Variants in CRYBG3 observed in about 807,000 individuals in gnomAD.
CRYBG3 encodes the protein very large A-kinase anchor protein.
In CRYBG3, 127 loss-of-function variants were observed where a neutral mutation model predicts 244.2. The observed-to-expected ratio is 0.52, with a 90% CI of 0.45 to 0.60. CRYBG3 has a LOEUF of 0.60. Ranked by LOEUF, CRYBG3 falls within the 20% of genes least tolerant of loss-of-function variation. CRYBG3 has a pLI of 0.00. For synonymous variants in CRYBG3, 1,132 were observed against 1,195.8 expected (o/e 0.95, Z 1.10); for missense variants, 3,325 against 3,442.5 (o/e 0.97, Z 0.85).
intron 1 of CRYBG3, among the ~76,000 whole-genome samples, chr3:97,832,152 A>G (rs751071847): frequency 1.3e-5 from 2 of 151,762 alleles, no homozygotes; most frequent in South Asian, 2.1e-4. Context: ...TATAGATTCA[A>G]TGCTATTGCC....
chr3:97,871,442 T>C (rs767475394), intron 3 of CRYBG3, among the ~76,000 whole-genome samples: 2 of 152,160 alleles, frequency 1.3e-5, no homozygotes, highest in Non-Finnish European at 2.9e-5. Context: ...TTTAATGTGG[T>C]GGAGAAGTCA....
intron 17 of CRYBG3, among the ~76,000 whole-genome samples, chr3:97,925,600 C>A (rs2040031429): frequency 6.6e-6 from 1 of 152,002 alleles, no homozygotes; most frequent in African/African-American, 2.4e-5. Flanking sequence ...CAATAGAATA[C>A]ATTTTCTGTA....
At chr3:97,862,819 T>C (rs2039170470) in intron 2 of CRYBG3, among the ~76,000 whole-genome samples, 2 of 152,278 alleles carry the variant, frequency 1.3e-5, no homozygotes, top group African/African-American at 2.4e-5. Context: ...TCACAAGATG[T>C]ATTAAATCCT....
At position 97,888,467 on chromosome 3, in the gene CRYBG3, TA is replaced by T; in HGVS notation, c.7404+17del. Reference sequence around the variant, plus strand: ...ATCCGCTTCAAATGGTAAGCAAATTTAAAAAGAAGCATTCCTTTTCCCAAGT... The same window carrying T: ...ATCCGCTTCAAATGGTAAGCAAATTTAAAAGAAGCATTCCTTTTCCCAAGT... On this transcript the variant is annotated intron_variant, in intron 9 of 21. Coordinates refer to ENST00000389622, the MANE Select transcript of CRYBG3 (RefSeq NM_153605.4). 1 of 1,517,634 alleles carries T rather than the reference TA, an allele frequency of 6.6e-7. No homozygotes were observed. The highest frequency in any genetic ancestry group is 9.1e-7 in the Non-Finnish European group (1 of 1,093,190). The allele number at this position is 1,517,634 out of a possible 1,614,324, so 94.0% of individuals were successfully genotyped here.
At chr3:97,822,422 G>T in intron 1 of CRYBG3, 67 bp downstream of exon 1, 1 of 1,355,848 alleles carries the variant, frequency 7.4e-7, no homozygotes, top group South Asian at 1.6e-5. Context: ...CTCCCGGCCT[G>T]ACCGCCGGCA....
At chr3:97,930,128 C>T (rs1414376714) in intron 17 of CRYBG3, among the ~76,000 whole-genome samples, 2 of 152,038 alleles carry the variant, frequency 1.3e-5, no homozygotes, top group African/African-American at 2.4e-5. Flanking sequence ...GGATATAAAA[C>T]AGTTAACATC....
intron 14 of CRYBG3, among the ~76,000 whole-genome samples, chr3:97,899,788 C>T (rs1472954360): frequency 6.6e-6 from 1 of 152,120 alleles, no homozygotes; most frequent in Non-Finnish European, 1.5e-5. Context: ...AAGGAATAAT[C>T]TCCTTGTATG....
At chr3:97,870,921 C>T (rs2039294863) in intron 3 of CRYBG3, among the ~76,000 whole-genome samples, 1 of 152,148 alleles carries the variant, frequency 6.6e-6, no homozygotes, top group Admixed American at 6.5e-5. Flanking sequence ...GTGCTCTGTG[C>T]ACCCAGAGAT....
chr3:97,886,897 G>T (rs1391608440), intron 8 of CRYBG3, 130 bp downstream of exon 8: 3 of 713,910 alleles, frequency 4.2e-6, no homozygotes, highest in Non-Finnish European at 6.7e-6. Flanking sequence ...GACTGCAGGG[G>T]TTAAAAGATT....
chr3:97,907,997 G>A (rs1398740284), intron 15 of CRYBG3, among the ~76,000 whole-genome samples: 2 of 152,088 alleles, frequency 1.3e-5, no homozygotes, highest in Non-Finnish European at 2.9e-5. Flanking sequence ...CCTTCATTTT[G>A]TTATGTACCC....
chr3:97,836,090 G>A (rs2038729272), intron 1 of CRYBG3, among the ~76,000 whole-genome samples: 1 of 151,988 alleles, frequency 6.6e-6, no homozygotes, highest in Admixed American at 6.6e-5. Flanking sequence ...CGTGAGTTGG[G>A]GAACAGGAAA....
intron 19 of CRYBG3, among the ~76,000 whole-genome samples, chr3:97,937,634 T>TAA (rs2107105131): frequency 6.6e-6 from 1 of 152,184 alleles, no homozygotes; most frequent in South Asian, 2.1e-4. Flanking sequence ...CTGTATGCAG[T>TAA]TTATAACCCT....
At chr3:97,891,125 TATTTTTAAAGTC>T (rs2039570849) in intron 10 of CRYBG3, among the ~76,000 whole-genome samples, 2 of 152,194 alleles carry the variant, frequency 1.3e-5, no homozygotes, top group South Asian at 4.1e-4. Flanking sequence ...AAACAGTATG[TATTTTTAAAGTC>T]AATAGATAAT....
At chr3:97,920,414 G>A (rs1444489664) in intron 17 of CRYBG3, among the ~76,000 whole-genome samples, 1 of 152,090 alleles carries the variant, frequency 6.6e-6, no homozygotes, top group Non-Finnish European at 1.5e-5. Context: ...TATTCCCTGA[G>A]CTTCATTCCC....
intron 19 of CRYBG3, among the ~76,000 whole-genome samples, chr3:97,937,645 A>G (rs1350344029): frequency 3.3e-5 from 5 of 152,026 alleles, no homozygotes; most frequent in Non-Finnish European, 1.5e-5. Flanking sequence ...TTATAACCCT[A>G]GCGTTATGGT....
chr3:97,841,300 G>GTA (rs542638446), intron 1 of CRYBG3, among the ~76,000 whole-genome samples: 6 of 147,570 alleles, frequency 4.1e-5, no homozygotes, highest in Non-Finnish European at 8.9e-5. Context: ...ACACCTATAT[G>GTA]TATATATATG....
rs897854490 is a variant in CRYBG3 at position 97,878,046 on chromosome 3, T to C, written c.6843+9T>C. On this transcript the variant is annotated intron_variant, in intron 4 of 21. Coordinates refer to ENST00000389622, the MANE Select transcript of CRYBG3 (RefSeq NM_153605.4). ...TGAGCCCATTTATAGAGGTAAGTTATTTTGTTTATTGTATTAATAATAGTT... is the reference window on the plus strand; with the variant it reads ...TGAGCCCATTTATAGAGGTAAGTTACTTTGTTTATTGTATTAATAATAGTT... 10 of 1,583,620 alleles carry C rather than the reference T, an allele frequency of 6.3e-6. No homozygotes were observed. Among genetic ancestry groups the C allele is most frequent in the Non-Finnish European group, 8.6e-6 (10 of 1,168,506 alleles).
rs2039675113 is a variant in CRYBG3 at position 97,899,168 on chromosome 3, G to T, written c.7876G>T (p.Gly2626Ter). 6.2e-7 allele frequency: 1 copy of T among 1,612,978 alleles called. No individual in the cohort carries two copies. Among genetic ancestry groups the T allele is most frequent in the East Asian group, 2.2e-5 (1 of 44,806 alleles). Residue 2626 changes from glycine (G) to a stop codon, truncating the protein, a stop_gained, in exon 14 of 22, where the codon GGA (glycine) becomes TGA (stop). Transcript: ENST00000389622. LOFTEE classifies it high-confidence loss of function. ...TGCCTACCAGCAAAAGTTCTTCTGTGGAGAACAATACATTTTAGAAAAAGG... is the reference window on the plus strand; with the variant it reads ...TGCCTACCAGCAAAAGTTCTTCTGTTGAGAACAATACATTTTAGAAAAAGG... ...WVAYQQKFFC[G>*]EQYILEKGKY...
Position 97,872,455 on chromosome 3 carries a change from G to C in CRYBG3, c.1261G>C (p.Val421Leu). The change falls in exon 4 of 22, where the codon GTG (valine) becomes CTG (leucine). Residue 421 changes from valine (V) to leucine (L), a missense_variant. Around this residue, in one of 4 missense-constraint regions of CRYBG3, gnomAD observed 1,526 missense variants for 1,443.2 expected, o/e 1.06. Transcript: ENST00000389622. ...CACTGTGATGAGTAATAGGACATTG[G>C]TGCAAAGAGAGGAGCTTGTTGAGCC... ...NSTVMSNRTL[V>L]QREELVEPQG... The C allele has an allele frequency of 6.5e-7, 1 of 1,536,006 alleles. No homozygotes were observed.
Sources: allele counts gnomAD v4.1 joint callset (sites outside exome capture counted in the v4.1 genomes callset), GRCh38; gene constraint gnomAD v4.1.1; regional missense constraint gnomAD v4.1.1; transcripts MANE v1.5; gene names NCBI Gene and HGNC (gene_info 2026-07-23, HGNC 2026-07-21).